MTMR9: variants seen among roughly 807,000 people sequenced by gnomAD.
MTMR9 encodes the protein myotubularin-related protein 9.
Under a neutral mutation model 69.5 loss-of-function variants are expected in MTMR9, and 39 were observed. The ratio of observed to expected loss-of-function variants is 0.56; its 90% CI spans 0.43 to 0.73. The LOEUF (loss-of-function observed/expected upper bound fraction) is 0.73, where lower values mean the gene tolerates loss of function less well. Ranked by LOEUF, MTMR9 falls within the 30% of genes least tolerant of loss-of-function variation. MTMR9 has a pLI of 0.00. For missense variants in MTMR9, 900 were observed against 671.2 expected (o/e 1.34, Z -3.77); for synonymous variants, 354 against 240.8 (o/e 1.47, Z -4.35).
At chr8:11,295,860 G>C (rs1799537915) in intron 2 of MTMR9, among the ~76,000 whole-genome samples, 1 of 152,118 alleles carries the variant, frequency 6.6e-6, no homozygotes, top group African/African-American at 2.4e-5. Context: ...GTAGGGACTG[G>C]GGGGACCTAG....
intron 6 of MTMR9, among the ~76,000 whole-genome samples, chr8:11,313,381 C>G (rs1447753290): frequency 1.3e-5 from 2 of 152,238 alleles, no homozygotes; most frequent in Non-Finnish European, 2.9e-5. Flanking sequence ...GGCTGTGTCA[C>G]TGTATCATTT....
At chr8:11,321,556 C>T (rs1563287739) in intron 9 of MTMR9, 2 of 453,814 alleles carry the variant, frequency 4.4e-6, no homozygotes, top group Non-Finnish European at 8.9e-6. Flanking sequence ...TTAAGTCCTG[C>T]CATGCCGGAG....
intron 3 of MTMR9, among the ~76,000 whole-genome samples, chr8:11,304,333 T>TGTGG (rs1799860105): frequency 6.6e-6 from 1 of 152,200 alleles, no homozygotes; most frequent in Non-Finnish European, 1.5e-5. Flanking sequence ...TGGGGATGCA[T>TGTGG]TATCTGGAGT....
At chr8:11,322,439 A>T (rs1274166714) in intron 9 of MTMR9, among the ~76,000 whole-genome samples, 186 bp from the exon 10 acceptor site, 2 of 152,246 alleles carry the variant, frequency 1.3e-5, no homozygotes, top group African/African-American at 4.8e-5. Flanking sequence ...TATTGTATTC[A>T]ATTGCATCCT....
chr8:11,331,328 C>G (rs1339281551), downstream of MTMR9: 1 of 1,613,990 alleles, frequency 6.2e-7, no homozygotes, highest in South Asian at 1.1e-5. Flanking sequence ...AGCTGCTCAT[C>G]TGTCGATGCC....
Position 11,309,698 on chromosome 8 carries a change from A to G in MTMR9, c.971+10A>G, listed in dbSNP as rs377214240. 114 of 1,612,162 alleles carry G rather than the reference A, an allele frequency of 7.1e-5. No homozygotes were observed. The highest frequency in any genetic ancestry group is 9.0e-5 in the Non-Finnish European group (106 of 1,179,164). On this transcript the variant is annotated intron_variant, in intron 6 of 9. Coordinates refer to ENST00000221086, the MANE Select transcript of MTMR9 (RefSeq NM_015458.4). ...CTCAGTGCATCGACAGGTAAAGTGCATTTCAGCGTTCCTGAGCGAAACATG... is the reference window on the plus strand; with the variant it reads ...CTCAGTGCATCGACAGGTAAAGTGCGTTTCAGCGTTCCTGAGCGAAACATG...
chr8:11,303,630 C>T (rs2117399114), intron 3 of MTMR9, among the ~76,000 whole-genome samples: 1 of 152,164 alleles, frequency 6.6e-6, no homozygotes, highest in South Asian at 2.1e-4. Context: ...ACTTCCTGGG[C>T]TCCCGTGATT....
downstream of MTMR9, among the ~76,000 whole-genome samples, chr8:11,330,144 A>T (rs1011089311): frequency 6.7e-6 from 1 of 150,048 alleles, no homozygotes; most frequent in South Asian, 2.1e-4. Flanking sequence ...CCCGTCCGGG[A>T]GGGAGGTCGG....
At position 11,304,874 on chromosome 8, in the gene MTMR9, G is replaced by C. The variant is rs1181489541; in HGVS notation, c.451G>C (p.Glu151Gln). 6 of 1,613,922 alleles carry C rather than the reference G, an allele frequency of 3.7e-6. No individual in the cohort carries two copies. Among genetic ancestry groups the C allele is most frequent in the Non-Finnish European group, 5.1e-6 (6 of 1,179,968 alleles). The change falls in exon 4 of 10, where the codon GAA becomes CAA. Residue 151 changes from glutamate (E) to glutamine (Q), a missense_variant. By Grantham distance (29) the Glu-to-Gln change is conservative. Coordinates refer to ENST00000221086, the MANE Select transcript of MTMR9 (RefSeq NM_015458.4). ...ATGGAGGCTAAGCTATGTCAATAAG[G>C]AATTTGCTGTCTGTCCCTCTTACCC... ...SEWRLSYVNK[E>Q]FAVCPSYPPI...
At chr8:11,288,149 C>T in intron 1 of MTMR9, among the ~76,000 whole-genome samples, 1 of 130,948 alleles carries the variant, frequency 7.6e-6, no homozygotes, top group African/African-American at 2.9e-5. Flanking sequence ...CCTAATTATT[C>T]AGCGAATAGG....
chr8:11,286,853 A>G (rs1799181316), intron 1 of MTMR9, among the ~76,000 whole-genome samples: 1 of 151,862 alleles, frequency 6.6e-6, no homozygotes, highest in Non-Finnish European at 1.5e-5. Flanking sequence ...AGTCCTCACT[A>G]TTTACTGGTG....
the MTMR9 span, among the ~76,000 whole-genome samples, chr8:11,336,111 A>G: frequency 3.3e-5 from 5 of 152,226 alleles, no homozygotes; most frequent in African/African-American, 1.2e-4. Flanking sequence ...AATGTAATCA[A>G]CCTTCTACCA....
At chr8:11,285,909 A>G (rs986257035) in intron 1 of MTMR9, among the ~76,000 whole-genome samples, 1 of 151,608 alleles carries the variant, frequency 6.6e-6, no homozygotes, top group Non-Finnish European at 1.5e-5. Flanking sequence ...AGATTCGTAC[A>G]GAGGATATGC....
At chr8:11,309,914 C>T (rs552285485) in intron 6 of MTMR9, among the ~76,000 whole-genome samples, 1 of 152,020 alleles carries the variant, frequency 6.6e-6, no homozygotes, top group South Asian at 2.1e-4. Flanking sequence ...TCTTCTATGA[C>T]ACAAATTTTT....
intron 3 of MTMR9, among the ~76,000 whole-genome samples, chr8:11,301,200 T>G (rs770607317): frequency 6.6e-6 from 1 of 152,136 alleles, no homozygotes; most frequent in Non-Finnish European, 1.5e-5. Flanking sequence ...AAATGCAAAT[T>G]TAAATATATA....
chr8:11,332,607 CT>C (rs34322790), downstream of MTMR9, among the ~76,000 whole-genome samples: 6 of 148,902 alleles, frequency 4.0e-5, no homozygotes, highest in African/African-American at 9.9e-5. Flanking sequence ...TTGTTTTTTG[CT>C]TTTTTTTTTC....
downstream of MTMR9, among the ~76,000 whole-genome samples, chr8:11,330,394 G>A (rs556275575): frequency 8.5e-3 from 1,287 of 152,296 alleles, 18 homozygotes; most frequent in African/African-American, 0.029. Context: ...CCCTCTGCCC[G>A]GCCACCACCC....
chr8:11,302,417 A>T (rs1324049012), intron 3 of MTMR9, among the ~76,000 whole-genome samples: 4 of 152,226 alleles, frequency 2.6e-5, no homozygotes, highest in African/African-American at 9.6e-5. Flanking sequence ...AAGATAATAA[A>T]AAAATCTTTA....
Position 11,284,931 on chromosome 8 carries a change from G to GTAT in MTMR9, c.44_45insATT (p.Val15_Val16insLeu), listed in dbSNP as rs1799087879. The GTAT allele has an allele frequency of 1.2e-6, 2 of 1,613,180 alleles. No individual in the cohort carries two copies. Among genetic ancestry groups the GTAT allele is most frequent in the South Asian group, 2.2e-5 (2 of 90,908 alleles). ...GATTAAGACCCCGCGGGTGGACAAT[G>GTAT]TGGTGCTGCACCGGCCTTTCTACCC... is the stretch of plus-strand genomic sequence containing the variant. On this transcript the variant is annotated inframe_insertion, in exon 1 of 10. Transcript: ENST00000221086.
Sources: allele counts gnomAD v4.1 joint callset (sites outside exome capture counted in the v4.1 genomes callset), GRCh38; gene constraint gnomAD v4.1.1; transcripts MANE v1.5; gene names NCBI Gene and HGNC (gene_info 2026-07-23, HGNC 2026-07-21).